The following CSMD1 variants were observed in gnomAD, a reference collection of about 807,000 sequenced individuals.
The protein encoded by CSMD1 is CUB and Sushi multiple domains 1.
CSMD1 carries 213 observed loss-of-function variants against 417.5 expected under a neutral mutation model. The ratio of observed to expected loss-of-function variants is 0.51; its 90% confidence interval spans 0.46 to 0.57. The LOEUF is 0.57. Among genes scored for constraint, CSMD1 ranks in the 20% least tolerant of loss-of-function variants. The pLI is 0.00. For synonymous variants in CSMD1, 2,862 were observed against 1,736.8 expected (o/e 1.65, Z -16.11); for missense variants, 6,923 against 4,529.7 (o/e 1.53, Z -15.17).
At chr8:3,784,809 T>C (rs1192655198) in intron 5 of CSMD1, among the ~76,000 whole-genome samples, 1 of 152,220 alleles carries the variant, frequency 6.6e-6, no homozygotes, top group Non-Finnish European at 1.5e-5. Context: ...CATATCACAA[T>C]TGCTTGCACC....
intron 3 of CSMD1, among the ~76,000 whole-genome samples, chr8:4,117,917 A>C (rs184713120): frequency 6.7e-6 from 1 of 148,808 alleles, no homozygotes; most frequent in Non-Finnish European, 1.5e-5. Context: ...CTAGAGAAAG[A>C]AATTTTCCTG....
intron 1 of CSMD1, among the ~76,000 whole-genome samples, chr8:4,984,121 C>A (rs1811049273): frequency 1.3e-5 from 2 of 152,182 alleles, no homozygotes; most frequent in Non-Finnish European, 2.9e-5. Flanking sequence ...GCCAGTAAAT[C>A]AAAAACTGCT....
At chr8:2,968,940 ATAT>A (rs1182418864) in intron 57 of CSMD1, among the ~76,000 whole-genome samples, 1 of 152,140 alleles carries the variant, frequency 6.6e-6, no homozygotes, top group Non-Finnish European at 1.5e-5. Flanking sequence ...ATATAATAAA[ATAT>A]TATGCTTATT....
intron 3 of CSMD1, among the ~76,000 whole-genome samples, chr8:4,156,688 G>A (rs1373287778): frequency 1.3e-5 from 2 of 152,094 alleles, no homozygotes; most frequent in East Asian, 1.9e-4. Flanking sequence ...TTTCTGTACT[G>A]TCAGGGGCCC....
chr8:2,996,601 G>A (rs1037831322), intron 54 of CSMD1, among the ~76,000 whole-genome samples: 1 of 152,176 alleles, frequency 6.6e-6, no homozygotes, highest in Non-Finnish European at 1.5e-5. Context: ...GAGCTCCAGA[G>A]CATATTTTGC....
rs764949149 is a variant in CSMD1 at position 3,108,606 on chromosome 8, G to A, written c.6751C>T (p.His2251Tyr). Residue 2251 changes from histidine (H) to tyrosine (Y), a missense_variant, in exon 44 of 70, where the codon CAC (histidine) becomes TAC (tyrosine). By Grantham distance (83) the His-to-Tyr change is moderately conservative. Transcript: ENST00000635120. Reference protein sequence around the residue: ...SNGGFFVLNFHAFQLKKCQPP... With the variant: ...SNGGFFVLNFYAFQLKKCQPP... Reference sequence around the variant, plus strand: ...AACGGAGTGAAAATCAACTGACCGTGGAAATTGAGGACAAAGAAGCCTCCA... The same window carrying A: ...AACGGAGTGAAAATCAACTGACCGTAGAAATTGAGGACAAAGAAGCCTCCA... 2 of 1,613,506 alleles carry A rather than the reference G, an allele frequency of 1.2e-6. No individual in the cohort carries two copies. The highest frequency in any genetic ancestry group is 1.7e-5 in the Admixed American group (1 of 59,958).
intron 2 of CSMD1, among the ~76,000 whole-genome samples, chr8:4,540,010 C>G (rs111291130): frequency 2.2e-4 from 34 of 152,288 alleles, no homozygotes; most frequent in African/African-American, 8.2e-4. Context: ...CACCGGGGCC[C>G]TCTTCCCCTC....
chr8:3,255,201 G>T (rs572519752), intron 26 of CSMD1, among the ~76,000 whole-genome samples: 7 of 152,092 alleles, frequency 4.6e-5, no homozygotes, highest in African/African-American at 7.2e-5. Flanking sequence ...GGTGAACAGC[G>T]AATGTTGCTG....
intron 1 of CSMD1, among the ~76,000 whole-genome samples, chr8:4,857,997 T>C (rs1585221815): frequency 6.6e-6 from 1 of 152,238 alleles, no homozygotes; most frequent in East Asian, 1.9e-4. Context: ...TTGATGAACA[T>C]TGACGCAAAA....
chr8:3,661,261 C>A (rs1798403434), intron 7 of CSMD1, among the ~76,000 whole-genome samples: 1 of 152,204 alleles, frequency 6.6e-6, no homozygotes, highest in Admixed American at 6.5e-5. Context: ...CCAGTCCCAG[C>A]AGCCATACTT....
At chr8:4,941,235 G>T (rs995772338) in intron 1 of CSMD1, among the ~76,000 whole-genome samples, 3 of 151,426 alleles carry the variant, frequency 2.0e-5, no homozygotes, top group African/African-American at 7.2e-5. Flanking sequence ...TTGTAACATT[G>T]TAACACTCTT....
intron 4 of CSMD1, among the ~76,000 whole-genome samples, chr8:4,001,096 C>G (rs982706545): frequency 6.6e-6 from 1 of 151,286 alleles, no homozygotes; most frequent in African/African-American, 2.4e-5. Context: ...GAATTTTTGT[C>G]ATGGCAGTCG....
intron 3 of CSMD1, among the ~76,000 whole-genome samples, chr8:4,355,971 T>C (rs1801407444): frequency 6.6e-6 from 1 of 152,176 alleles, no homozygotes; most frequent in South Asian, 2.1e-4. Flanking sequence ...GGATGTTCTT[T>C]CTTATTTTTT....
intron 2 of CSMD1, among the ~76,000 whole-genome samples, chr8:4,615,945 G>T (rs767669524): frequency 6.6e-6 from 1 of 152,078 alleles, no homozygotes. Flanking sequence ...CTTAGATTAA[G>T]AATCTAGCCA....
intron 5 of CSMD1, among the ~76,000 whole-genome samples, chr8:3,840,693 A>T (rs945320533): frequency 6.0e-4 from 81 of 134,810 alleles, no homozygotes; most frequent in African/African-American, 1.3e-3. Flanking sequence ...CTTTTTTTTA[A>T]TTTTTTTTTT....
chr8:3,551,662 G>C (rs985975951), intron 10 of CSMD1, among the ~76,000 whole-genome samples: 5 of 147,160 alleles, frequency 3.4e-5, no homozygotes, highest in Admixed American at 1.4e-4. Flanking sequence ...TACCAAGCCA[G>C]TGTATAGTTT....
chr8:4,691,832 G>A (rs1290486875), intron 1 of CSMD1, among the ~76,000 whole-genome samples: 1 of 152,214 alleles, frequency 6.6e-6, no homozygotes, highest in Admixed American at 6.5e-5. Context: ...AGTCGAAGAG[G>A]TTTTAATGGG....
chr8:3,906,293 G>A (rs936082052), intron 5 of CSMD1, among the ~76,000 whole-genome samples: 35 of 150,168 alleles, frequency 2.3e-4, no homozygotes, highest in Non-Finnish European at 3.5e-4. Context: ...TTGTCATAGG[G>A]AAAAAAAAAA....
At chr8:3,828,327 T>C (rs1392440509) in intron 5 of CSMD1, among the ~76,000 whole-genome samples, 2 of 152,204 alleles carry the variant, frequency 1.3e-5, no homozygotes, top group African/African-American at 2.4e-5. Flanking sequence ...TTCACTTAAG[T>C]ATAATGAATC....
Sources: allele counts gnomAD v4.1 joint callset (sites outside exome capture counted in the v4.1 genomes callset), GRCh38; gene constraint gnomAD v4.1.1; transcripts MANE v1.5; gene names NCBI Gene and HGNC (gene_info 2026-07-23, HGNC 2026-07-21).